NRXN3: variants seen among roughly 807,000 people sequenced by gnomAD.
The protein encoded by NRXN3 is neurexin 3.
Under a neutral mutation model 137.6 loss-of-function variants are expected in NRXN3, and 32 were observed. The observed-to-expected ratio is 0.23, with a 90% CI of 0.18 to 0.31. The LOEUF is 0.31. Among genes scored for constraint, NRXN3 ranks in the 10% least tolerant of loss-of-function variants. The pLI, the probability that NRXN3 is intolerant of heterozygous loss-of-function variation, is 1.00. For synonymous variants in NRXN3, 798 were observed against 784.5 expected (o/e 1.02, Z -0.29); for missense variants, 1,574 against 2,062.5 (o/e 0.76, Z 4.59).
chr14:79,448,242 G>A (rs2096098756), intron 15 of NRXN3, among the ~76,000 whole-genome samples: 1 of 152,066 alleles, frequency 6.6e-6, no homozygotes, highest in Non-Finnish European at 1.5e-5. Context: ...AAGACATGGG[G>A]CATTCTCCCT....
intron 15 of NRXN3, among the ~76,000 whole-genome samples, chr14:79,353,037 A>C (rs536428633): frequency 2.0e-5 from 3 of 152,294 alleles, no homozygotes; most frequent in African/African-American, 7.2e-5. Flanking sequence ...GAAAGGATGC[A>C]TGTAAAACAT....
chr14:78,339,597 C>T (rs2081928878), intron 4 of NRXN3, among the ~76,000 whole-genome samples: 1 of 152,142 alleles, frequency 6.6e-6, no homozygotes, highest in African/African-American at 2.4e-5. Flanking sequence ...TCTTTGGAAT[C>T]CAACTGCTTG....
At chr14:79,002,798 TC>T (rs1475250644) in intron 15 of NRXN3, among the ~76,000 whole-genome samples, 1 of 152,144 alleles carries the variant, frequency 6.6e-6, no homozygotes. Context: ...TGCCACACCG[TC>T]TTCCACAATG....
chr14:79,744,720 T>C (rs2098973830), intron 19 of NRXN3, among the ~76,000 whole-genome samples: 1 of 152,162 alleles, frequency 6.6e-6, no homozygotes, highest in Non-Finnish European at 1.5e-5. Flanking sequence ...TTTCTGCATT[T>C]AGTGTAGATA....
intron 8 of NRXN3, among the ~76,000 whole-genome samples, chr14:78,724,723 G>A (rs964468256): frequency 6.6e-6 from 1 of 152,188 alleles, no homozygotes; most frequent in Non-Finnish European, 1.5e-5. Context: ...CCAGTAATTT[G>A]TTCTAACTGA....
intron 15 of NRXN3, among the ~76,000 whole-genome samples, chr14:79,296,619 T>C (rs1312919313): frequency 6.6e-6 from 1 of 152,108 alleles, no homozygotes; most frequent in African/African-American, 2.4e-5. Flanking sequence ...AGTTTGCAGA[T>C]CAGTAATGTA....
chr14:78,331,759 G>A (rs1280296477), intron 4 of NRXN3, among the ~76,000 whole-genome samples: 2 of 152,166 alleles, frequency 1.3e-5, no homozygotes, highest in East Asian at 1.9e-4. Flanking sequence ...TAAAGACTGG[G>A]GAGTGTGCAG....
At chr14:79,278,092 G>A (rs1049015556) in intron 15 of NRXN3, among the ~76,000 whole-genome samples, 1 of 152,102 alleles carries the variant, frequency 6.6e-6, no homozygotes, top group Non-Finnish European at 1.5e-5. Context: ...TCCTCAGGGG[G>A]TTTGAAATGA....
chr14:78,326,231 G>A (rs895878700), intron 4 of NRXN3, among the ~76,000 whole-genome samples: 5 of 152,178 alleles, frequency 3.3e-5, no homozygotes, highest in Non-Finnish European at 5.9e-5. Flanking sequence ...CCAGAGACAC[G>A]AGTACCTATA....
At chr14:78,706,745 G>T (rs1435920169) in intron 6 of NRXN3, among the ~76,000 whole-genome samples, 1 of 152,180 alleles carries the variant, frequency 6.6e-6, no homozygotes, top group Non-Finnish European at 1.5e-5. Flanking sequence ...TATTTTCAAT[G>T]TTATTGACTA....
At chr14:78,284,166 A>G (rs1372306868) in intron 3 of NRXN3, among the ~76,000 whole-genome samples, 1 of 152,206 alleles carries the variant, frequency 6.6e-6, no homozygotes, top group African/African-American at 2.4e-5. Context: ...GGAACTGCTT[A>G]GGGGAAACCT....
chr14:78,746,076 A>G (rs2098605813), intron 8 of NRXN3, among the ~76,000 whole-genome samples: 1 of 152,274 alleles, frequency 6.6e-6, no homozygotes, highest in African/African-American at 2.4e-5. Context: ...AACAGAGATT[A>G]AACACATTCT....
intron 15 of NRXN3, among the ~76,000 whole-genome samples, chr14:79,402,607 T>C (rs1567026851): frequency 1.3e-5 from 2 of 152,202 alleles, no homozygotes; most frequent in South Asian, 4.1e-4. Context: ...CCTACCTTAA[T>C]TGGTCAGATG....
chr14:79,488,421 T>A (rs965923290), intron 16 of NRXN3, among the ~76,000 whole-genome samples: 1 of 151,856 alleles, frequency 6.6e-6, no homozygotes, highest in Middle Eastern at 3.4e-3. Context: ...GCAACAAGAG[T>A]GTGTGTGTGT....
At chr14:79,553,052 G>A (rs995602734) in intron 16 of NRXN3, among the ~76,000 whole-genome samples, 8 of 152,176 alleles carry the variant, frequency 5.3e-5, no homozygotes, top group South Asian at 2.1e-4. Flanking sequence ...GGAAAGGAAT[G>A]TGGGGGGTGG....
intron 15 of NRXN3, among the ~76,000 whole-genome samples, chr14:79,262,036 G>A (rs1017854557): frequency 2.0e-5 from 3 of 152,064 alleles, no homozygotes; most frequent in African/African-American, 7.2e-5. Flanking sequence ...TCAGAGAAGG[G>A]AAACACAGGG....
chr14:79,853,310 T>A (rs577231523), intron 20 of NRXN3, among the ~76,000 whole-genome samples: 68 of 152,332 alleles, frequency 4.5e-4, no homozygotes, highest in African/African-American at 1.6e-3. Context: ...TGATCATGAC[T>A]ACTAGTATTT....
At chr14:79,078,209 C>T (rs562718494) in intron 15 of NRXN3, among the ~76,000 whole-genome samples, 4 of 152,190 alleles carry the variant, frequency 2.6e-5, no homozygotes, top group African/African-American at 9.6e-5. Context: ...TTAATTTCAA[C>T]CAGCCATAAA....
At chr14:78,582,527 CATAA>C (rs1208923995) in intron 4 of NRXN3, among the ~76,000 whole-genome samples, 1 of 152,160 alleles carries the variant, frequency 6.6e-6, no homozygotes, top group Non-Finnish European at 1.5e-5. Context: ...GCTCCATTTT[CATAA>C]ATAAATTAAT....
Sources: allele counts gnomAD v4.1 joint callset (sites outside exome capture counted in the v4.1 genomes callset), GRCh38; gene constraint gnomAD v4.1.1; transcripts MANE v1.5; gene names NCBI Gene and HGNC (gene_info 2026-07-23, HGNC 2026-07-21).